Variants in CACNA1C observed in about 807,000 individuals in gnomAD.
CACNA1C encodes the protein voltage-dependent L-type calcium channel subunit alpha-1C.
CACNA1C carries 30 observed loss-of-function variants against 229.0 expected under a neutral mutation model. That is an observed-to-expected ratio of 0.13 (90% confidence interval 0.10 to 0.18). CACNA1C has a LOEUF of 0.18. CACNA1C is among the 10% of genes least tolerant of loss of function. The pLI is 1.00. For missense variants in CACNA1C, 1,658 were observed against 2,845.0 expected, an observed-to-expected ratio of 0.58 and a Z score of 9.49; for synonymous variants, 1,114 against 1,132.5, an observed-to-expected ratio of 0.98 and a Z score of 0.33.
Position 2,034,053 on chromosome 12 carries a change from T to C in CACNA1C, c.139+62852T>C, listed in dbSNP as rs1294248202. ...ACTGTATTGCAACATTTATTAATAA[T>C]AATAACGACCACATTTTTAACATCT... On this transcript the variant is annotated intron_variant, in intron 1 of 46. Coordinates refer to the CACNA1C transcript ENST00000682462. This position sits in a 1 kb window ranked among gnomAD's most constrained non-coding sequence, Gnocchi z 4.1. Among the ~76,000 whole-genome samples the C allele has an allele frequency of 6.6e-6, 1 of 152,238 alleles. No individual in the cohort carries two copies. Among genetic ancestry groups the C allele is most frequent in the East Asian group, 1.9e-4 (1 of 5,206 alleles).
chr12:2,273,884 G>C (rs2370415), intron 3 of CACNA1C, among the ~76,000 whole-genome samples: 6,737 of 152,292 alleles, frequency 0.044, 183 homozygotes, highest in Middle Eastern at 0.065. Flanking sequence ...TGGACAGCAC[G>C]TGTGTGCAGG....
intron 30 of CACNA1C, 75 bp from the exon 31 acceptor site, chr12:2,648,400 C>A: frequency 2.2e-6 from 3 of 1,383,852 alleles, no homozygotes; most frequent in Non-Finnish European, 3.1e-6. Context: ...GCTCCCGTGT[C>A]AGCCAAGACC....
Position 2,071,172 on chromosome 12 carries a change from C to CCCTCCCTT in CACNA1C, c.49+17564_49+17565insCCCTTCCT, listed in dbSNP as rs1555115765. Among the ~76,000 whole-genome samples, 58 of 16,042 alleles carry CCCTCCCTT rather than the reference C, an allele frequency of 3.6e-3. 2 individuals are homozygous for CCCTCCCTT. The highest frequency in any genetic ancestry group is 0.021 in the African/African-American group (55 of 2,580). 10.5% of individuals were successfully genotyped at this position (16,042 alleles called of 152,430 possible). A position where few individuals can be genotyped will look rare whatever the true frequency, so the allele number is the denominator to read the frequency against. ...TCCCTCCCTCCCTCCCTCCCTCCCT[C>CCCTCCCTT]CCTGCCTGCCTGCCTGCCTGCCTGC... On this transcript the variant is annotated intron_variant, in intron 1 of 46. Transcript: ENST00000399655.
chr12:2,497,192 A>G (rs1419970203), intron 7 of CACNA1C, among the ~76,000 whole-genome samples: 2 of 152,196 alleles, frequency 1.3e-5, no homozygotes, highest in African/African-American at 4.8e-5. Context: ...TGTCGATAGG[A>G]TTCATAGGCA....
intron 1 of CACNA1C, among the ~76,000 whole-genome samples, chr12:2,112,554 G>A (rs188666590): frequency 2.0e-5 from 3 of 152,060 alleles, no homozygotes; most frequent in Admixed American, 1.3e-4. Context: ...GCTATGAACT[G>A]GGTGTGGCAG....
At position 2,566,637 on chromosome 12, in the gene CACNA1C, G is replaced by T. The variant is rs748242471; in HGVS notation, c.1669+55G>T. Reference sequence around the variant, plus strand: ...TTCCTCCTGGTAACTCAGCCCCAAGGCCCAGGGGAGGGCATAACCACAGGC... The same window carrying T: ...TTCCTCCTGGTAACTCAGCCCCAAGTCCCAGGGGAGGGCATAACCACAGGC... On this transcript the variant is annotated intron_variant, in intron 12 of 46. Transcript: ENST00000399655. The surrounding 1 kb of genome is among the most constrained non-coding windows in gnomAD (Gnocchi z 4.0). 22 of 1,461,086 alleles carry T rather than the reference G, an allele frequency of 1.5e-5. No homozygotes were observed. The African/African-American group carries it at 3.1e-4, about 21-fold the overall frequency. 90.5% of individuals were successfully genotyped at this position (1,461,086 alleles called of 1,614,324 possible).
intron 11 of CACNA1C, among the ~76,000 whole-genome samples, chr12:2,565,335 C>T (rs997387310): frequency 3.1e-4 from 47 of 151,798 alleles, no homozygotes; most frequent in African/African-American, 8.5e-4. Flanking sequence ...GGCGCGGTGG[C>T]GGGCGCCTGT....
At chr12:2,019,230 G>A (rs1023155894) in intron 1 of CACNA1C, among the ~76,000 whole-genome samples, 1 of 152,104 alleles carries the variant, frequency 6.6e-6, no homozygotes, top group Non-Finnish European at 1.5e-5. Context: ...GGGAGGTTGA[G>A]GTGGGAGGAT....
intron 10 of CACNA1C, 91 bp from the exon 11 acceptor site, chr12:2,556,860 G>A: frequency 9.6e-7 from 1 of 1,046,852 alleles, no homozygotes. Flanking sequence ...GAAATTACCT[G>A]GGGAACATCA....
Position 1,982,581 on chromosome 12 carries a change from T to C in CACNA1C, c.139+11380T>C, listed in dbSNP as rs184177460. Reference sequence around the variant, plus strand: ...CTTTTGAGGTTGAATAATATTCCATTGTATGTGTATATAATATTTTGTTTA... The same window carrying C: ...CTTTTGAGGTTGAATAATATTCCATCGTATGTGTATATAATATTTTGTTTA... On this transcript the variant is annotated intron_variant, in intron 1 of 46. Transcript: ENST00000682462. 1.7e-4 allele frequency among the ~76,000 whole-genome samples: 26 copies of C among 152,316 alleles called. No homozygotes were observed. The East Asian group carries it at 3.7e-3, about 21-fold the overall frequency.
intron 1 of CACNA1C, among the ~76,000 whole-genome samples, chr12:2,102,786 A>G (rs1243147491): frequency 6.6e-6 from 1 of 152,078 alleles, no homozygotes; most frequent in African/African-American, 2.4e-5. Flanking sequence ...CCCTGTGTCC[A>G]TGTGTTCTCA....
At chr12:2,084,066 T>TAA (rs2066660884) in intron 1 of CACNA1C, among the ~76,000 whole-genome samples, 1 of 152,250 alleles carries the variant, frequency 6.6e-6, no homozygotes, top group Non-Finnish European at 1.5e-5. Context: ...TCTTTGGTAT[T>TAA]AAAATGTCTC....
At chr12:2,498,200 A>G (rs946895602) in intron 7 of CACNA1C, among the ~76,000 whole-genome samples, 9 of 152,194 alleles carry the variant, frequency 5.9e-5, no homozygotes, top group Non-Finnish European at 1.3e-4. Flanking sequence ...TCTGCTGATG[A>G]CCTAGGAGTC....
At chr12:2,592,554 G>A (rs1437503637) in intron 18 of CACNA1C, among the ~76,000 whole-genome samples, 1 of 152,240 alleles carries the variant, frequency 6.6e-6, no homozygotes, top group Non-Finnish European at 1.5e-5. Flanking sequence ...GCAAGCACAG[G>A]AATAAGCTGT....
chr12:2,381,355 G>A lies in CACNA1C; in HGVS notation c.478-67621G>A, dbSNP rs111478228. ...CCCAAGGATCCATCTTCCTCTTCCC[G>A]ATTATGATTTTAGAACTTCCAAACC... is the stretch of plus-strand genomic sequence containing the variant. On this transcript the variant is annotated intron_variant, in intron 3 of 46. Transcript: ENST00000399655. Among the ~76,000 whole-genome samples the A allele has an allele frequency of 5.4e-3, 825 of 152,330 alleles. 6 individuals are homozygous for A. The highest frequency in any genetic ancestry group is 0.019 in the African/African-American group (787 of 41,568).
chr12:2,567,644 C>T lies in CACNA1C; in HGVS notation c.1745C>T (p.Ala582Val). 2.5e-6 allele frequency: 4 copies of T among 1,612,832 alleles called. No individual in the cohort carries two copies. Among genetic ancestry groups the T allele is most frequent in the Non-Finnish European group, 3.4e-6 (4 of 1,179,398 alleles). Residue 582 changes from alanine to valine, a missense_variant, in exon 13 of 47, where the codon GCC becomes GTC. By Grantham distance (64) the Ala-to-Val change is moderately conservative. Coordinates refer to ENST00000399655, the MANE Select transcript of CACNA1C (RefSeq NM_000719.7). ...AAGATGTACAGCCTGGGCCTGCAGG[C>T]CTACTTCGTGTCCCTCTTCAACCGC... ...LLKMYSLGLQ[A>V]YFVSLFNRFD...
intron 1 of CACNA1C, among the ~76,000 whole-genome samples, chr12:2,022,463 CT>C (rs71057815): frequency 0.42 from 55,945 of 133,296 alleles, 10,982 homozygotes; most frequent in East Asian, 0.74. Context: ...CCCTAAGGAA[CT>C]TTTTTTTTTT....
intron 3 of CACNA1C, among the ~76,000 whole-genome samples, chr12:2,204,503 T>C (rs1251402446): frequency 6.6e-6 from 1 of 151,186 alleles, no homozygotes; most frequent in African/African-American, 2.4e-5. Context: ...CGTATGTTTA[T>C]TGCAGCATTA....
chr12:2,009,039 C>T (rs2043952731), intron 1 of CACNA1C, among the ~76,000 whole-genome samples: 1 of 152,048 alleles, frequency 6.6e-6, no homozygotes, highest in South Asian at 2.1e-4. Context: ...TTTTTTAATC[C>T]GTGTAACTTC....
Sources: gnomAD v4.1 joint callset for allele counts (sites outside exome capture counted in the v4.1 genomes callset) on GRCh38, gnomAD v4.1.1 for gene constraint, Gnocchi (gnomAD v3.1) non-coding constraint, MANE v1.5 for transcripts, NCBI Gene and HGNC (gene_info 2026-07-23, HGNC 2026-07-21) for gene names.